The following ASIC2 variants were observed in gnomAD, a reference collection of about 807,000 sequenced individuals.
ASIC2 encodes the protein acid-sensing ion channel 2.
A neutral mutation model predicts 57.3 loss-of-function variants in ASIC2; 25 were observed. That is an observed-to-expected ratio of 0.44 (90% CI 0.32 to 0.61). The LOEUF (loss-of-function observed/expected upper bound fraction) is 0.61. Among genes scored for constraint, ASIC2 ranks in the 20% least tolerant of loss-of-function variants. The pLI is 0.06. For synonymous variants in ASIC2, 319 were observed against 307.5 expected (o/e 1.04, Z -0.39); for missense variants, 641 against 738.1 (o/e 0.87, Z 1.52).
chr17:33,023,019 T>A (rs1470198961), intron 6 of ASIC2, among the ~76,000 whole-genome samples: 1 of 152,180 alleles, frequency 6.6e-6, no homozygotes, highest in Non-Finnish European at 1.5e-5. Context: ...TCCTCCTGCC[T>A]TGGCCTCCCA....
chr17:33,857,859 G>A (rs1428697436), intron 1 of ASIC2, among the ~76,000 whole-genome samples: 1 of 152,146 alleles, frequency 6.6e-6, no homozygotes, highest in Non-Finnish European at 1.5e-5. Context: ...GTAAATCAGG[G>A]GAAAAGCTAC....
chr17:33,391,614 C>T (rs1425231479), intron 1 of ASIC2, among the ~76,000 whole-genome samples: 2 of 152,182 alleles, frequency 1.3e-5, no homozygotes, highest in Admixed American at 6.5e-5. Flanking sequence ...CTTGCCTTGA[C>T]CTTGAGTTGC....
intron 1 of ASIC2, among the ~76,000 whole-genome samples, chr17:34,132,825 C>T (rs560483664): frequency 6.6e-6 from 1 of 152,274 alleles, no homozygotes; most frequent in African/African-American, 2.4e-5. Context: ...GCTGTGAAGT[C>T]TCAGGTAAAA....
At chr17:33,259,373 A>C (rs904094480) in intron 1 of ASIC2, among the ~76,000 whole-genome samples, 1 of 152,182 alleles carries the variant, frequency 6.6e-6, no homozygotes, top group Non-Finnish European at 1.5e-5. Flanking sequence ...AATTTATAAC[A>C]GAATCTTGTA....
rs554161427 is a variant in ASIC2, at chr17:34,116,865, G to A, written c.555+39113C>T. Among the ~76,000 whole-genome samples the A allele has an allele frequency of 1.0e-3, 159 of 152,188 alleles. 2 individuals are homozygous for A. The highest frequency in any genetic ancestry group is 3.4e-3 in the African/African-American group (143 of 41,518). ...TTTGCAAGTGTGTGTGGGGGGAGGA[G>A]GGCGTATAATATGTGTGTGTGTGGG... On this transcript the variant is annotated intron_variant, in intron 1 of 9. Transcript: ENST00000359872.
At chr17:33,396,948 A>G (rs938118652) in intron 1 of ASIC2, among the ~76,000 whole-genome samples, 3 of 152,210 alleles carry the variant, frequency 2.0e-5, no homozygotes, top group Admixed American at 6.5e-5. Context: ...GCTAGGCACA[A>G]GTGAGTTTAT....
chr17:33,916,085 A>G (rs1915578025), intron 1 of ASIC2, among the ~76,000 whole-genome samples: 2 of 152,148 alleles, frequency 1.3e-5, no homozygotes, highest in South Asian at 4.1e-4. Context: ...TGCTTATGCT[A>G]CTTCCTTTCC....
At chr17:33,835,553 C>T (rs1462878033) in intron 1 of ASIC2, among the ~76,000 whole-genome samples, 1 of 152,174 alleles carries the variant, frequency 6.6e-6, no homozygotes, top group East Asian at 1.9e-4. Flanking sequence ...GTTCTCACTT[C>T]TGTTGTCATC....
chr17:33,062,509 G>T (rs2092025140), intron 3 of ASIC2, among the ~76,000 whole-genome samples: 1 of 152,168 alleles, frequency 6.6e-6, no homozygotes, highest in Non-Finnish European at 1.5e-5. Flanking sequence ...TAGTCTGATT[G>T]CACTGTGGTC....
intron 1 of ASIC2, among the ~76,000 whole-genome samples, chr17:33,580,754 G>A (rs772026562): frequency 3.3e-5 from 5 of 152,132 alleles, no homozygotes; most frequent in Non-Finnish European, 5.9e-5. Flanking sequence ...ATAAGATAAG[G>A]TGGTAGTAAT....
intron 1 of ASIC2, among the ~76,000 whole-genome samples, chr17:33,877,918 G>A (rs1010537214): frequency 1.3e-5 from 2 of 152,184 alleles, no homozygotes; most frequent in Non-Finnish European, 2.9e-5. Context: ...AACTTCCAGA[G>A]GAACGATCAA....
chr17:33,601,127 C>A (rs182449144), intron 1 of ASIC2, among the ~76,000 whole-genome samples: 42 of 152,228 alleles, frequency 2.8e-4, no homozygotes, highest in African/African-American at 9.1e-4. Context: ...GCAGAAAATA[C>A]AAATTTTGTA....
chr17:33,792,734 C>G (rs957770597), intron 1 of ASIC2: 1 of 152,168 alleles, frequency 6.6e-6, no homozygotes, highest in East Asian at 1.9e-4. Flanking sequence ...TTTGAGCTCT[C>G]TAGGTGCCGT....
At chr17:33,048,543 C>T (rs1428325253) in intron 3 of ASIC2, among the ~76,000 whole-genome samples, 1 of 152,158 alleles carries the variant, frequency 6.6e-6, no homozygotes, top group Non-Finnish European at 1.5e-5. Context: ...CTTGTATGTC[C>T]TAATGCATGT....
intron 2 of ASIC2, among the ~76,000 whole-genome samples, chr17:33,092,158 A>C (rs571508511): frequency 2.6e-5 from 4 of 152,292 alleles, no homozygotes; most frequent in African/African-American, 9.6e-5. Context: ...GTGTGTCTTC[A>C]TGGTCAAACC....
At chr17:33,043,220 C>T (rs1429834670) in intron 3 of ASIC2, among the ~76,000 whole-genome samples, 5 of 152,214 alleles carry the variant, frequency 3.3e-5, no homozygotes, top group South Asian at 2.1e-4. Context: ...CCACCACACT[C>T]GGCACATCCC....
At chr17:33,246,029 TA>T (rs35562770) in intron 1 of ASIC2, among the ~76,000 whole-genome samples, 51 of 145,272 alleles carry the variant, frequency 3.5e-4, no homozygotes, top group Non-Finnish European at 3.9e-4. Context: ...TACCTCTACT[TA>T]AAAAAAAAAA....
chr17:33,844,125 A>T (rs1913515197), intron 1 of ASIC2, among the ~76,000 whole-genome samples: 1 of 152,226 alleles, frequency 6.6e-6, no homozygotes, highest in African/African-American at 2.4e-5. Context: ...TTGGGAGAAG[A>T]GTCCTGAGAA....
At chr17:33,707,637 C>T (rs1223380129) in intron 1 of ASIC2, among the ~76,000 whole-genome samples, 1 of 152,082 alleles carries the variant, frequency 6.6e-6, no homozygotes, top group Non-Finnish European at 1.5e-5. Context: ...GAGAGTTTCC[C>T]CGCATAGTTT....
Sources: allele counts gnomAD v4.1 joint callset (sites outside exome capture counted in the v4.1 genomes callset), GRCh38; gene constraint gnomAD v4.1.1; transcripts MANE v1.5; gene names NCBI Gene and HGNC (gene_info 2026-07-23, HGNC 2026-07-21).